PER1: variants seen among roughly 807,000 people sequenced by gnomAD.
PER1 encodes period circadian protein homolog 1.
In PER1, 87 loss-of-function variants were observed where a neutral mutation model predicts 125.9. That is an observed-to-expected ratio of 0.69 (90% CI 0.58 to 0.83). PER1 has a LOEUF of 0.83. PER1 is among the 40% of genes least tolerant of loss of function. The probability of loss-of-function intolerance (pLI) is 0.00; values close to 1 mark genes in which losing one functional copy is unlikely to be tolerated. For synonymous variants in PER1, 801 were observed against 714.7 expected, an observed-to-expected ratio of 1.12 and a Z score of -1.93; for missense variants, 1,775 against 1,722.8, an observed-to-expected ratio of 1.03 and a Z score of -0.54.
chr17:8,149,400 C>A (rs756400201), intron 6 of PER1, 62 bp downstream of exon 6: 10 of 1,605,110 alleles, frequency 6.2e-6, no homozygotes, highest in Non-Finnish European at 7.7e-6. Flanking sequence ...GGTTCCCCGG[C>A]CCCTCACAGC....
chr17:8,143,330 C>T lies in PER1; in HGVS notation c.3008G>A (p.Gly1003Asp), dbSNP rs779145523. ...TGGGGGCCCGGCACTGCTCCCAGGGCCTCCTGCAACAGCAGCCCCCTCAGC... is the reference window on the plus strand; with the variant it reads ...TGGGGGCCCGGCACTGCTCCCAGGGTCTCCTGCAACAGCAGCCCCCTCAGC... ...PRAEGAAVAG[G>D]PGSSAGPPPP... The change falls in exon 19 of 23, where the codon GGC (glycine) becomes GAC (aspartate). Residue 1003 changes from glycine (G) to aspartate (D), a missense_variant. Transcript: ENST00000317276. The T allele has an allele frequency of 3.1e-6, 5 of 1,605,818 alleles. No individual in the cohort carries two copies. Among genetic ancestry groups the T allele is most frequent in the Non-Finnish European group, 4.3e-6 (5 of 1,175,728 alleles).
chr17:8,148,949 G>A (rs868767988), intron 7 of PER1, 163 bp from the exon 8 acceptor site: 2 of 798,750 alleles, frequency 2.5e-6, no homozygotes, highest in South Asian at 1.7e-5. Context: ...AGCACTTTGG[G>A]AGGCCAAGGC....
chr17:8,143,660 C>T lies in PER1; in HGVS notation c.2678G>A (p.Gly893Glu), dbSNP rs925012034. The T allele has an allele frequency of 4.1e-6, 6 of 1,461,900 alleles. No individual in the cohort carries two copies. Among genetic ancestry groups the T allele is most frequent in the South Asian group, 1.4e-5 (1 of 71,124 alleles). 90.6% of individuals were successfully genotyped at this position (1,461,900 alleles called of 1,614,324 possible). A position where few individuals can be genotyped will look rare whatever the true frequency, so the allele number is the denominator to read the frequency against. The change falls in exon 19 of 23, where the codon GGA (glycine) becomes GAA (glutamate). Residue 893 changes from glycine (G) to glutamate (E), a missense_variant. Gly to Glu is a moderately conservative substitution (Grantham distance 98, BLOSUM62 -2). Coordinates refer to ENST00000317276, the MANE Select transcript of PER1 (RefSeq NM_002616.3). Reference sequence around the variant, plus strand: ...AGCAGGGGGAAGAGGCTGGGGGCCTCCTCGAGGAGAGAACACTGGGAGAGG... The same window carrying T: ...AGCAGGGGGAAGAGGCTGGGGGCCTTCTCGAGGAGAGAACACTGGGAGAGG... Reference protein sequence around the residue: ...PYPLPVFSPRGGPQPLPPAPT... With the variant: ...PYPLPVFSPREGPQPLPPAPT...
chr17:8,146,378 T>C lies in PER1; in HGVS notation c.2032A>G (p.Lys678Glu). The C allele has an allele frequency of 6.2e-7, 1 of 1,602,712 alleles. No individual in the cohort carries two copies. Among genetic ancestry groups the C allele is most frequent in the Non-Finnish European group, 8.5e-7 (1 of 1,174,288 alleles). ...QRTGPVSVGT[K>E]KDPPSAALSG... ...GGGTGCATTGGATCTTTACCTTTCT[T>C]GGTCCCCACAGAGACTGGACCTGTC... is the stretch of plus-strand genomic sequence containing the variant. The change falls in exon 16 of 23, where the codon AAG (lysine) becomes GAG (glutamate). Residue 678 changes from lysine to glutamate, a missense_variant. Coordinates refer to ENST00000317276, the MANE Select transcript of PER1 (RefSeq NM_002616.3).
At chr17:8,147,187 G>A in intron 13 of PER1, 63 bp downstream of exon 13, 1 of 1,546,092 alleles carries the variant, frequency 6.5e-7, no homozygotes, top group African/African-American at 1.4e-5. Flanking sequence ...GACTGGCAGT[G>A]CTGGTTCCAA....
In PER1 at chr17:8,147,810, G is replaced by C; in HGVS notation, c.1252C>G (p.Gln418Glu). 1 of 1,613,926 alleles carries C rather than the reference G, an allele frequency of 6.2e-7. No homozygotes were observed. The highest frequency in any genetic ancestry group is 8.5e-7 in the Non-Finnish European group (1 of 1,179,988). ...IHKKILQLAG[Q>E]PFDHSPIRFC... ...CGGATAGGGGAGTGGTCAAAGGGCT[G>C]GCCCGCCAACTGCAGAACTGATGGA... Residue 418 changes from glutamine to glutamate, a missense_variant, in exon 11 of 23, where the codon CAG becomes GAG. Physicochemically the swap from Gln to Glu is conservative, Grantham distance 29. Transcript: ENST00000317276.
chr17:8,142,333 G>T lies in PER1; in HGVS notation c.3385C>A (p.Pro1129Thr), dbSNP rs1351319859. 6.2e-7 allele frequency: 1 copy of T among 1,613,710 alleles called. No homozygotes were observed. Among genetic ancestry groups the T allele is most frequent in the African/African-American group, 1.3e-5 (1 of 75,052 alleles). ...DQVIKYVLQD[P>T]IWLLMANADQ... Reference sequence around the variant, plus strand: ...GCATTGGCCATGAGCAGCCAAATGGGATCCTGGAGCACGTACTTAATCACC... The same window carrying T: ...GCATTGGCCATGAGCAGCCAAATGGTATCCTGGAGCACGTACTTAATCACC... The change falls in exon 21 of 23, where the codon CCC becomes ACC. Residue 1129 changes from proline to threonine, a missense_variant. Coordinates refer to ENST00000317276, the MANE Select transcript of PER1 (RefSeq NM_002616.3).
At position 8,145,966 on chromosome 17, in the gene PER1, G is replaced by A. The variant is rs370982185; in HGVS notation, c.2210C>T (p.Pro737Leu). The A allele has an allele frequency of 8.1e-6, 13 of 1,603,746 alleles. No homozygotes were observed. Among genetic ancestry groups the A allele is most frequent in the African/African-American group, 5.4e-5 (4 of 74,676 alleles). The change falls in exon 17 of 23, where the codon CCG (proline) becomes CTG (leucine). Residue 737 changes from proline (P) to leucine (L), a missense_variant. Physicochemically the swap from Pro to Leu is moderately conservative, Grantham distance 98. Transcript: ENST00000317276. Reference protein sequence around the residue: ...TIVHVGDKKPPESDIIMMEDL... With the variant: ...TIVHVGDKKPLESDIIMMEDL... Reference sequence around the variant, plus strand: ...CAATTCCACACCCATACCCGACTCCGGGGGCTTCTTGTCTCCCACATGGAC... The same window carrying A: ...CAATTCCACACCCATACCCGACTCCAGGGGCTTCTTGTCTCCCACATGGAC...
chr17:8,147,500 C>T lies in PER1; in HGVS notation c.1467G>A (p.Leu489=), dbSNP rs2151860984. 6.2e-7 allele frequency: 1 copy of T among 1,613,920 alleles called. No individual in the cohort carries two copies. Among genetic ancestry groups the T allele is most frequent in the Non-Finnish European group, 8.5e-7 (1 of 1,179,942 alleles). ...APSLDTDIQE[L]SEQIHRLLLQ... Reference sequence around the variant, plus strand: ...GCAGCAGCCGGTGGATCTGCTCTGACAGCTCCTGGATATCAGTGTCCAGGG... The same window carrying T: ...GCAGCAGCCGGTGGATCTGCTCTGATAGCTCCTGGATATCAGTGTCCAGGG... The change falls in exon 12 of 23, where the codon CTG becomes CTA. Residue 489 remains leucine (L), a synonymous_variant. Coordinates refer to ENST00000317276, the MANE Select transcript of PER1 (RefSeq NM_002616.3).
intron 18 of PER1, chr17:8,144,162 A>C (rs1266269240): frequency 2.1e-6 from 1 of 482,378 alleles, no homozygotes; most frequent in Non-Finnish European, 3.7e-6. Context: ...CAGATGGAGG[A>C]AGCAGGGTGA....
chr17:8,149,180 C>G (rs1982660080), intron 7 of PER1, 79 bp downstream of exon 7: 3 of 1,300,520 alleles, frequency 2.3e-6, no homozygotes, highest in Admixed American at 1.7e-5. Flanking sequence ...CAGAGTGAGA[C>G]TCCCTTTCAA....
intron 18 of PER1, 111 bp from the exon 19 acceptor site, chr17:8,143,987 A>G: frequency 6.9e-7 from 1 of 1,456,104 alleles, no homozygotes; most frequent in Non-Finnish European, 9.0e-7. Flanking sequence ...GGTCCCAGAG[A>G]GAGCTTCTCA....
chr17:8,141,477 C>T (rs971067379), intron 22 of PER1, 137 bp from the exon 23 acceptor site: 18 of 1,041,606 alleles, frequency 1.7e-5, no homozygotes, highest in African/African-American at 4.8e-5. Context: ...GATGCACCTG[C>T]GGTCCAACAA....
Position 8,150,270 on chromosome 17 carries a change from C to A in PER1, c.323G>T (p.Ser108Ile). The A allele has an allele frequency of 6.4e-7, 1 of 1,568,620 alleles. No individual in the cohort carries two copies. The highest frequency in any genetic ancestry group is 8.7e-7 in the Non-Finnish European group (1 of 1,153,800). The change falls in exon 3 of 23, where the codon AGC becomes ATC. Residue 108 changes from serine (S) to isoleucine (I), a missense_variant. Physicochemically the swap from Ser to Ile is moderately radical, Grantham distance 142. Coordinates refer to ENST00000317276, the MANE Select transcript of PER1 (RefSeq NM_002616.3). Reference sequence around the variant, plus strand: ...CTGCTCTGAGCTGGCACTCAGGAGGCTGTAGGCAATGGAACTGCTGGGTGG... The same window carrying A: ...CTGCTCTGAGCTGGCACTCAGGAGGATGTAGGCAATGGAACTGCTGGGTGG... Reference protein sequence around the residue: ...PSPPSSSIAYSLLSASSEQDN... With the variant: ...PSPPSSSIAYILLSASSEQDN...
rs1162147508 is a variant in PER1 at position 8,148,118 on chromosome 17, G to A, written c.1128-15C>T. ...GGGGGGCAGCCCTGAACGGGAAGGA[G>A]GCATCAGAGTGGCCGTGGCCTCAGC... On this transcript the variant is annotated splice_polypyrimidine_tract_variant and intron_variant, in intron 9 of 22. Coordinates refer to ENST00000317276, the MANE Select transcript of PER1 (RefSeq NM_002616.3). 6.2e-7 allele frequency: 1 copy of A among 1,612,590 alleles called. No homozygotes were observed. Among genetic ancestry groups the A allele is most frequent in the Non-Finnish European group, 8.5e-7 (1 of 1,179,092 alleles).
chr17:8,140,675 T>G lies in PER1; in HGVS notation c.*393A>C, dbSNP rs1168463455. 9 of 251,308 alleles carry G rather than the reference T, an allele frequency of 3.6e-5. No homozygotes were observed. Among genetic ancestry groups the G allele is most frequent in the Non-Finnish European group, 7.1e-5 (9 of 127,592 alleles). The allele number at this position is 251,308 out of a possible 1,614,324, so 15.6% of individuals were successfully genotyped here. On this transcript the variant is annotated 3_prime_UTR_variant, in exon 23 of 23. Coordinates refer to ENST00000317276, the MANE Select transcript of PER1 (RefSeq NM_002616.3). ...GTCCTGCTTGGGCCTCAGGCTCTCC[T>G]CCCATCTGGGGAGGAGGTGGGAGAG...
At position 8,143,878 on chromosome 17, in the gene PER1, T is replaced by G. The variant is rs1982259639; in HGVS notation, c.2462-2A>C. The G allele has an allele frequency of 1.2e-6, 2 of 1,605,210 alleles. No individual in the cohort carries two copies. Among genetic ancestry groups the G allele is most frequent in the Non-Finnish European group, 1.7e-6 (2 of 1,177,612 alleles). On this transcript the variant is annotated splice_acceptor_variant, in intron 18 of 22. Transcript: ENST00000317276. LOFTEE classifies it high-confidence loss of function. ...GGGGTGCGGGGCCGTGGTGGCAGCC[T>G]GTGGGGAGAGACTAGGGTTAGCAAG...
At position 8,146,732 on chromosome 17, in the gene PER1, C is replaced by T. The variant is rs1394842322; in HGVS notation, c.1769G>A (p.Cys590Tyr). ...TGTFKAKALP[C>Y]QSPDPELEAG... ...CTCCAGCTCTGGGTCTGGGGATTGGCAGGGAAGGGCCTTGGCCTTGAACGT... is the reference window on the plus strand; with the variant it reads ...CTCCAGCTCTGGGTCTGGGGATTGGTAGGGAAGGGCCTTGGCCTTGAACGT... Residue 590 changes from cysteine (C) to tyrosine (Y), a missense_variant, in exon 15 of 23, where the codon TGC (cysteine) becomes TAC (tyrosine). Transcript: ENST00000317276. 6.2e-7 allele frequency: 1 copy of T among 1,613,776 alleles called. No individual in the cohort carries two copies. Among genetic ancestry groups the T allele is most frequent in the South Asian group, 1.1e-5 (1 of 91,052 alleles).
rs1414637906 is a variant in PER1, at chr17:8,148,677, G to A, written c.1015C>T (p.Leu339=). 9.3e-6 allele frequency: 15 copies of A among 1,612,758 alleles called. No homozygotes were observed. Among genetic ancestry groups the A allele is most frequent in the Admixed American group, 1.7e-5 (1 of 59,568 alleles). ...CCCGAATGGATGCGCTCTGCAATCA[G>A]CAGGCAGCACGGCTGTGCAGGGGCC... ...DGAPAQPCCL[L]IAERIHSGYE... The change falls in exon 8 of 23, where the codon CTG becomes TTG. Residue 339 remains leucine (L), a synonymous_variant. Transcript: ENST00000317276.
Sources: gnomAD v4.1 joint callset for allele counts on GRCh38, gnomAD v4.1.1 for gene constraint, MANE v1.5 for transcripts, NCBI Gene and HGNC (gene_info 2026-07-23, HGNC 2026-07-21) for gene names.